The following POLR2B variants were observed in gnomAD, a reference collection of about 807,000 sequenced individuals.
The protein encoded by POLR2B is DNA-directed RNA polymerase II subunit RPB2.
Under a neutral mutation model 144.6 loss-of-function variants are expected in POLR2B, and 57 were observed. That is an observed-to-expected ratio of 0.39 (90% CI 0.32 to 0.49). POLR2B has a LOEUF of 0.49. Ranked by LOEUF, POLR2B falls within the 20% of genes least tolerant of loss-of-function variation. The pLI, the probability that POLR2B is intolerant of heterozygous loss-of-function variation, is 0.83. For synonymous variants in POLR2B, 442 were observed against 469.8 expected (o/e 0.94, Z 0.77); for missense variants, 595 against 1,467.4 (o/e 0.41, Z 9.71).
In POLR2B at chr4:57,025,090, TATC is replaced by T. The variant is rs1471232488; in HGVS notation, c.3078+94_3078+96del. 3 of 708,304 alleles carry T rather than the reference TATC, an allele frequency of 4.2e-6. No homozygotes were observed. In the African/African-American group the frequency reaches 5.4e-5, roughly 13 times the overall value. 43.9% of individuals were successfully genotyped at this position (708,304 alleles called of 1,614,324 possible). ...GAAACAATGTAACCTTTTATTGAAGTATCATATGTGCACATATAGAAATGTACA... is the reference window on the plus strand; with the variant it reads ...GAAACAATGTAACCTTTTATTGAAGTATATGTGCACATATAGAAATGTACA... On this transcript the variant is annotated intron_variant, in intron 22 of 24. Transcript: ENST00000314595.
chr4:56,990,474 G>A (rs1310103016), intron 2 of POLR2B, among the ~76,000 whole-genome samples: 1 of 152,142 alleles, frequency 6.6e-6, no homozygotes, highest in Non-Finnish European at 1.5e-5. Flanking sequence ...GGCCTCCCAG[G>A]AGCTGGGATC....
At chr4:57,015,448 A>G (rs1723334022) in intron 13 of POLR2B, 54 bp from the exon 14 acceptor site, 1 of 950,812 alleles carries the variant, frequency 1.1e-6, no homozygotes, top group African/African-American at 1.7e-5. Flanking sequence ...AACTAAGCCT[A>G]ATAATAAAGA....
rs1723609453 is a variant in POLR2B at position 57,023,268 on chromosome 4, A to G, written c.2516-62A>G. ...CTTCTCTCTGACTTGGAACTGATTC[A>G]TGTATGTGGTTTTTAATCTTTGTTG... On this transcript the variant is annotated intron_variant, in intron 18 of 24. Coordinates refer to ENST00000314595, the MANE Select transcript of POLR2B (RefSeq NM_000938.3). This position sits in a 1 kb window ranked among gnomAD's most constrained non-coding sequence, Gnocchi z 4.3. 6.4e-7 allele frequency: 1 copy of G among 1,556,642 alleles called. No individual in the cohort carries two copies. The highest frequency in any genetic ancestry group is 8.8e-7 in the Non-Finnish European group (1 of 1,135,696).
chr4:57,027,922 G>A (rs1311101416), intron 23 of POLR2B, among the ~76,000 whole-genome samples: 1 of 152,160 alleles, frequency 6.6e-6, no homozygotes, highest in Admixed American at 6.5e-5. Flanking sequence ...ATATCAGGAA[G>A]CTATCAAGCC....
At chr4:57,021,764 T>A (rs1163072827) in intron 17 of POLR2B, among the ~76,000 whole-genome samples, 1 of 152,120 alleles carries the variant, frequency 6.6e-6, no homozygotes, top group Non-Finnish European at 1.5e-5. Flanking sequence ...CTTCCCAAAG[T>A]GCTAGGATTA....
At chr4:57,004,890 G>T (rs536129179) in intron 7 of POLR2B, among the ~76,000 whole-genome samples, 77 of 152,238 alleles carry the variant, frequency 5.1e-4, no homozygotes, top group African/African-American at 1.8e-3. Flanking sequence ...TCGCCATGTT[G>T]CCTAGACTAG....
chr4:57,010,951 A>G (rs1723170292), intron 12 of POLR2B, 38 bp from the exon 13 acceptor site: 1 of 1,597,240 alleles, frequency 6.3e-7, no homozygotes, highest in East Asian at 2.2e-5. Context: ...TTAGTATAGA[A>G]TTGTTAAGTG....
chr4:56,992,635 C>A (rs1722555737), intron 3 of POLR2B, among the ~76,000 whole-genome samples: 1 of 148,676 alleles, frequency 6.7e-6, no homozygotes, highest in Non-Finnish European at 1.5e-5. Flanking sequence ...TCTCGGCTCA[C>A]TGCAGGCTCC....
At chr4:57,029,464 A>G (rs1723838214) in intron 23 of POLR2B, among the ~76,000 whole-genome samples, 2 of 152,048 alleles carry the variant, frequency 1.3e-5, no homozygotes, top group African/African-American at 2.4e-5. Context: ...TCGACCAATG[A>G]TTTTTTTGTT....
intron 6 of POLR2B, among the ~76,000 whole-genome samples, chr4:56,996,236 G>GTGTGTGTGTGTGTA (rs1291577789): frequency 2.2e-5 from 3 of 136,206 alleles, no homozygotes; most frequent in Non-Finnish European, 4.7e-5. Context: ...GTGTGTGTGT[G>GTGTGTGTGTGTGTA]TGTATGTATA....
intron 7 of POLR2B, 87 bp downstream of exon 7, chr4:56,999,868 CT>C: frequency 6.4e-6 from 6 of 933,328 alleles, no homozygotes; most frequent in Non-Finnish European, 9.7e-6. Context: ...TAGTAGAAAG[CT>C]GTTCTGAAGA....
intron 3 of POLR2B, among the ~76,000 whole-genome samples, chr4:56,991,605 C>A (rs10026915): frequency 0.075 from 11,401 of 151,884 alleles, 490 homozygotes; most frequent in African/African-American, 0.088. Context: ...TTGTTTCTAG[C>A]CTGATCAGTT....
At chr4:57,006,734 C>CTT (rs146021754) in intron 9 of POLR2B, 82 bp from the exon 10 acceptor site, 56 of 1,163,766 alleles carry the variant, frequency 4.8e-5, no homozygotes, top group East Asian at 1.7e-4. Flanking sequence ...CTTCCCCACG[C>CTT]TTTTTTTTGC....
Position 56,996,264 on chromosome 4 carries a change from A to G in POLR2B, c.735+855A>G, listed in dbSNP as rs867039624. On this transcript the variant is annotated intron_variant, in intron 6 of 24. Transcript: ENST00000314595. The stretch of plus-strand genomic sequence containing the variant: ...TATGTATATGTGTGTGTGTGTGTGT[A>G]TATATATATATATATTTTTTTTTTT... Among the ~76,000 whole-genome samples, 94 of 72,398 alleles carry G rather than the reference A, an allele frequency of 1.3e-3. 1 individual carries two copies. The highest frequency in any genetic ancestry group is 2.0e-3 in the Admixed American group (13 of 6,530). The allele number at this position is 72,398 out of a possible 152,430, so 47.5% of individuals were successfully genotyped here.
At chr4:56,981,971 C>G (rs1048324251) in intron 1 of POLR2B, among the ~76,000 whole-genome samples, 13 of 152,210 alleles carry the variant, frequency 8.5e-5, no homozygotes. Flanking sequence ...GAAACTCACT[C>G]AGCTTTCTAG....
intron 9 of POLR2B, among the ~76,000 whole-genome samples, chr4:57,006,035 T>G (rs1723009278): frequency 6.6e-6 from 1 of 152,210 alleles, no homozygotes; most frequent in Non-Finnish European, 1.5e-5. Context: ...TGTACACATA[T>G]ATACAAAAGC....
intron 6 of POLR2B, among the ~76,000 whole-genome samples, chr4:56,996,697 T>C (rs1722702020): frequency 6.6e-6 from 1 of 152,186 alleles, no homozygotes; most frequent in Admixed American, 6.5e-5. Context: ...ACCTCAAGAA[T>C]GTTTTTCATA....
intron 7 of POLR2B, among the ~76,000 whole-genome samples, chr4:57,003,897 T>G (rs971106188): frequency 1.3e-5 from 2 of 151,746 alleles, no homozygotes; most frequent in African/African-American, 4.8e-5. Flanking sequence ...TGTGGTGGTG[T>G]TGTCTGTACT....
chr4:57,012,615 T>C (rs1012323819), intron 13 of POLR2B, among the ~76,000 whole-genome samples: 13 of 151,510 alleles, frequency 8.6e-5, no homozygotes, highest in African/African-American at 3.2e-4. Flanking sequence ...GAGAAGAGAG[T>C]TTGGTTGTTC....
Sources: allele counts gnomAD v4.1 joint callset (sites outside exome capture counted in the v4.1 genomes callset), GRCh38; gene constraint gnomAD v4.1.1; non-coding constraint Gnocchi (gnomAD v3.1); transcripts MANE v1.5; gene names NCBI Gene and HGNC (gene_info 2026-07-23, HGNC 2026-07-21).